Variants in PAM observed in about 807,000 individuals in gnomAD.
The protein encoded by PAM is peptidylglycine alpha-amidating monooxygenase.
PAM carries 72 observed loss-of-function variants against 122.1 expected under a neutral mutation model. The observed-to-expected ratio is 0.59, with a 90% CI of 0.49 to 0.72. The LOEUF is 0.72. PAM is among the 30% of genes least tolerant of loss of function. The pLI is 0.00. For missense variants in PAM, 1,106 were observed against 1,183.7 expected, an observed-to-expected ratio of 0.93 and a Z score of 0.96; for synonymous variants, 389 against 404.4, an observed-to-expected ratio of 0.96 and a Z score of 0.46.
At chr5:103,003,754 C>A (rs1316781718) in intron 17 of PAM, among the ~76,000 whole-genome samples, 4 of 151,990 alleles carry the variant, frequency 2.6e-5, no homozygotes, top group South Asian at 2.1e-4. Context: ...TCTAATGATC[C>A]AAAAAAATTC....
intron 1 of PAM, among the ~76,000 whole-genome samples, chr5:102,826,160 G>A (rs1212245638): frequency 6.6e-6 from 1 of 152,048 alleles, no homozygotes; most frequent in East Asian, 1.9e-4. Context: ...GATTTAAAAT[G>A]TTATAATAAA....
At chr5:102,764,736 A>G (rs1330051878) in intron 1 of PAM, among the ~76,000 whole-genome samples, 1 of 152,230 alleles carries the variant, frequency 6.6e-6, no homozygotes, top group African/African-American at 2.4e-5. Flanking sequence ...ACTGATTTTA[A>G]CACAGCTACT....
chr5:102,785,269 G>A (rs1269776152), intron 1 of PAM, among the ~76,000 whole-genome samples: 2 of 144,048 alleles, frequency 1.4e-5, no homozygotes, highest in African/African-American at 2.6e-5. Context: ...AGAAAAGGGA[G>A]GGGGGAGTCC....
chr5:102,995,946 A>C, intron 16 of PAM, among the ~76,000 whole-genome samples: 1 of 151,894 alleles, frequency 6.6e-6, no homozygotes, highest in East Asian at 1.9e-4. Context: ...CTTGCATGAA[A>C]ACCTACAGTT....
intron 1 of PAM, among the ~76,000 whole-genome samples, chr5:102,769,811 C>A (rs912263689): frequency 6.6e-6 from 1 of 152,058 alleles, no homozygotes; most frequent in Non-Finnish European, 1.5e-5. Flanking sequence ...GTTCTTTTTG[C>A]TCAGGATAGC....
At chr5:102,834,913 G>C (rs73189054) in intron 1 of PAM, among the ~76,000 whole-genome samples, 2 of 152,022 alleles carry the variant, frequency 1.3e-5, no homozygotes, top group Admixed American at 6.6e-5. Context: ...CAGTAACCTG[G>C]ACACAAAGAT....
chr5:102,998,739 A>G (rs1776470985), intron 16 of PAM, among the ~76,000 whole-genome samples: 1 of 152,142 alleles, frequency 6.6e-6, no homozygotes, highest in Non-Finnish European at 1.5e-5. Context: ...TCTTAACTAA[A>G]ATTTCCATTA....
chr5:102,782,721 C>CTG (rs1460448799), intron 1 of PAM, among the ~76,000 whole-genome samples: 32 of 144,990 alleles, frequency 2.2e-4, no homozygotes, highest in African/African-American at 6.5e-4. Context: ...CTCTCTCTCT[C>CTG]TCTCTGTGTG....
At chr5:102,803,207 AAAGAAG>A in intron 1 of PAM, among the ~76,000 whole-genome samples, 1 of 122,674 alleles carries the variant, frequency 8.2e-6, no homozygotes, top group African/African-American at 2.8e-5. Context: ...GGAAGGAAGG[AAAGAAG>A]GAAGGAAGGA....
rs569468862 is a variant in PAM at position 102,868,545 on chromosome 5, TTTAG to T, written c.210+1154_210+1157del. 2.0e-3 allele frequency among the ~76,000 whole-genome samples: 303 copies of T among 152,352 alleles called. 1 individual carries two copies. Among genetic ancestry groups the T allele is most frequent in the African/African-American group, 6.9e-3 (288 of 41,578 alleles). The stretch of plus-strand genomic sequence containing the variant: ...AGCTTTTAATTTCATAAGCTTTTTA[TTTAG>T]TATTTAACCGCAAAAAGTGTAATGA... On this transcript the variant is annotated intron_variant, in intron 3 of 25. Transcript: ENST00000438793.
At chr5:102,827,786 A>C (rs1774125719) in intron 1 of PAM, among the ~76,000 whole-genome samples, 1 of 55,946 alleles carries the variant, frequency 1.8e-5, no homozygotes, top group African/African-American at 1.1e-4. Context: ...TCCCGGGTTC[A>C]CGCCATTCTC....
At chr5:102,898,865 A>G (rs1796904417) in intron 3 of PAM, among the ~76,000 whole-genome samples, 1 of 151,680 alleles carries the variant, frequency 6.6e-6, no homozygotes, top group South Asian at 2.1e-4. Context: ...ATTTCATTTC[A>G]CCAATTTCCA....
intron 1 of PAM, among the ~76,000 whole-genome samples, chr5:102,772,763 G>A (rs573960015): frequency 6.6e-6 from 1 of 152,170 alleles, no homozygotes; most frequent in South Asian, 2.1e-4. Flanking sequence ...TAATTTATGT[G>A]ACGGATGTTG....
rs774624805 is a variant in PAM at position 102,866,000 on chromosome 5, C to A, written c.-196C>A. The A allele has an allele frequency of 4.4e-6, 2 of 454,460 alleles. No individual in the cohort carries two copies. The highest frequency in any genetic ancestry group is 7.6e-6 in the Non-Finnish European group (2 of 262,012). The allele number at this position is 454,460 out of a possible 1,614,324, so 28.2% of individuals were successfully genotyped here. On this transcript the variant is annotated 5_prime_UTR_variant, in exon 2 of 26. Coordinates refer to ENST00000438793, the MANE Select transcript of PAM (RefSeq NM_001177306.2). Reference sequence around the variant, plus strand: ...TCCCGCCTGCCCACGGCTTTTTGCCCGCCGCTCGTGACCGAGACGCCTCGC... The same window carrying A: ...TCCCGCCTGCCCACGGCTTTTTGCCAGCCGCTCGTGACCGAGACGCCTCGC...
intron 7 of PAM, among the ~76,000 whole-genome samples, chr5:102,927,911 T>C (rs1750159233): frequency 6.6e-6 from 1 of 152,088 alleles, no homozygotes; most frequent in South Asian, 2.1e-4. Flanking sequence ...CTTAAACTGT[T>C]AACTCTCTAT....
intron 21 of PAM, among the ~76,000 whole-genome samples, chr5:103,012,281 G>C (rs1419191636): frequency 3.3e-5 from 5 of 152,082 alleles, no homozygotes; most frequent in Admixed American, 3.3e-4. Flanking sequence ...GATCCCATTT[G>C]TTGATTTTTG....
intron 14 of PAM, among the ~76,000 whole-genome samples, chr5:102,973,759 T>C (rs1005862560): frequency 6.6e-6 from 1 of 152,196 alleles, no homozygotes; most frequent in African/African-American, 2.4e-5. Context: ...ATAGCTGTTA[T>C]CTAATGTAGC....
At chr5:103,004,478 GC>G (rs1778356439) in intron 17 of PAM, among the ~76,000 whole-genome samples, 1 of 152,182 alleles carries the variant, frequency 6.6e-6, no homozygotes. Flanking sequence ...AGCTAACAGA[GC>G]TATTGGATTG....
At chr5:103,009,658 C>A in intron 20 of PAM, 93 bp from the exon 21 acceptor site, 1 of 730,872 alleles carries the variant, frequency 1.4e-6, no homozygotes, top group Non-Finnish European at 2.5e-6. Flanking sequence ...CAGGTTGACC[C>A]TAAATTTATT....
Sources: allele counts gnomAD v4.1 joint callset (sites outside exome capture counted in the v4.1 genomes callset), GRCh38; gene constraint gnomAD v4.1.1; transcripts MANE v1.5; gene names NCBI Gene and HGNC (gene_info 2026-07-23, HGNC 2026-07-21).